Variants in GPRC5C observed in about 807,000 individuals in gnomAD.
GPRC5C encodes the protein G protein-coupled receptor family C group 5 member C.
A neutral mutation model predicts 31.4 loss-of-function variants in GPRC5C; 22 were observed. That is an observed-to-expected ratio of 0.70 (90% CI 0.50 to 1.00). The LOEUF (loss-of-function observed/expected upper bound fraction) is 1.00. GPRC5C is among the 50% of genes least tolerant of loss of function. GPRC5C has a pLI of 0.00. For synonymous variants in GPRC5C, 249 were observed against 257.5 expected (o/e 0.97, Z 0.32); for missense variants, 557 against 597.2 (o/e 0.93, Z 0.70).
chr17:74,440,926 G>A lies in GPRC5C; in HGVS notation c.1051+99G>A. The A allele has an allele frequency of 8.9e-7, 1 of 1,127,444 alleles. No homozygotes were observed. Among genetic ancestry groups the A allele is most frequent in the Non-Finnish European group, 1.2e-6 (1 of 852,734 alleles). The allele number at this position is 1,127,444 out of a possible 1,614,324, so 69.8% of individuals were successfully genotyped here. A position where few individuals can be genotyped will look rare whatever the true frequency, so the allele number is the denominator to read the frequency against. The stretch of plus-strand genomic sequence containing the variant: ...CTCTTGAGCAAAATGGAAAGTTTTT[G>A]AGGTTTTCTGTAGTTTTCTGCCTAA... On this transcript the variant is annotated intron_variant, in intron 2 of 3. Transcript: ENST00000392627. This position sits in a 1 kb window ranked among gnomAD's most constrained non-coding sequence, Gnocchi z 4.4.
chr17:74,446,772 G>A, intron 3 of GPRC5C, 77 bp from the exon 4 acceptor site: 1 of 1,137,516 alleles, frequency 8.8e-7, no homozygotes, highest in Non-Finnish European at 1.3e-6. Context: ...CAGCCCTGCA[G>A]GAAGTGTTTG....
chr17:74,432,407 GGACCGGGCCTGGCCCAGC>G (rs1407142770), intron 1 of GPRC5C: 1 of 1,237,210 alleles, frequency 8.1e-7, no homozygotes, highest in Admixed American at 4.4e-5. Context: ...ATCCCAGCCA[GGACCGGGCCTGGCCCAGC>G]GCCCCGCGCC....
At chr17:74,438,406 G>A (rs927281002) in intron 1 of GPRC5C, among the ~76,000 whole-genome samples, 20 of 151,342 alleles carry the variant, frequency 1.3e-4, no homozygotes, top group African/African-American at 4.4e-4. Flanking sequence ...TATTATAGGC[G>A]TGCACCTCCA....
At chr17:74,450,844 C>T (rs1039718872), downstream of GPRC5C, 1 of 152,282 alleles carries the variant, frequency 6.6e-6, no homozygotes, top group Admixed American at 6.5e-5. Context: ...GGCCCTAAAG[C>T]TCAGTCCCCA....
At chr17:74,438,555 C>A (rs1461895721) in intron 1 of GPRC5C, among the ~76,000 whole-genome samples, 1 of 151,860 alleles carries the variant, frequency 6.6e-6, no homozygotes, top group East Asian at 1.9e-4. Flanking sequence ...GCCACTGCAC[C>A]CAGCTGCTAA....
intron 3 of GPRC5C, chr17:74,445,993 C>CCTCA (rs57897113): frequency 2.2e-5 from 2 of 92,540 alleles, no homozygotes; most frequent in African/African-American, 1.4e-4. Context: ...ACCCCCCCCC[C>CCTCA]CCGCCCACCA....
At chr17:74,433,856 G>GTGGA in intron 1 of GPRC5C, 1 of 885,392 alleles carries the variant, frequency 1.1e-6, no homozygotes, top group Non-Finnish European at 1.9e-6. Context: ...AGGCTTGTGT[G>GTGGA]TGGATGATGC....
chr17:74,440,904 T>G lies in GPRC5C; in HGVS notation c.1051+77T>G. The G allele has an allele frequency of 1.6e-6, 2 of 1,277,618 alleles. No individual in the cohort carries two copies. Among genetic ancestry groups the G allele is most frequent in the Non-Finnish European group, 2.1e-6 (2 of 974,460 alleles). 79.1% of individuals were successfully genotyped at this position (1,277,618 alleles called of 1,614,324 possible). A position where few individuals can be genotyped will look rare whatever the true frequency, so the allele number is the denominator to read the frequency against. ...TACTGCAGGACAGGGAGCCAGTCTC[T>G]TGAGCAAAATGGAAAGTTTTTGAGG... On this transcript the variant is annotated intron_variant, in intron 2 of 3. Coordinates refer to ENST00000392627, the MANE Select transcript of GPRC5C (RefSeq NM_022036.4). This position sits in a 1 kb window ranked among gnomAD's most constrained non-coding sequence, Gnocchi z 4.4.
chr17:74,438,322 G>A (rs535087062), intron 1 of GPRC5C, among the ~76,000 whole-genome samples: 67 of 148,206 alleles, frequency 4.5e-4, no homozygotes, highest in African/African-American at 1.4e-3. Context: ...GTGCAGTGGC[G>A]CAGTCTTGGC....
downstream of GPRC5C, among the ~76,000 whole-genome samples, chr17:74,448,184 C>G (rs1350267467): frequency 6.6e-6 from 1 of 151,954 alleles, no homozygotes; most frequent in Admixed American, 6.6e-5. Context: ...GACATTAGTC[C>G]TAGCTACTCA....
downstream of GPRC5C, chr17:74,449,395 TC>T (rs1319908056): frequency 8.0e-7 from 1 of 1,257,596 alleles, no homozygotes; most frequent in East Asian, 5.6e-5. Flanking sequence ...CTGCACGGCA[TC>T]CTGATCCTCA....
chr17:74,435,036 G>A (rs1242828926), intron 1 of GPRC5C, among the ~76,000 whole-genome samples: 2 of 151,394 alleles, frequency 1.3e-5, no homozygotes, highest in South Asian at 2.1e-4. Flanking sequence ...TAGCTAACAC[G>A]GTGAAACCCC....
At chr17:74,443,191 C>T (rs745708727) in intron 2 of GPRC5C, 6 of 194,442 alleles carry the variant, frequency 3.1e-5, no homozygotes, top group Non-Finnish European at 4.2e-5. Flanking sequence ...CGGAACACAC[C>T]GGGAAACCAA....
At chr17:74,432,408 G>A (rs1456348535) in intron 1 of GPRC5C, 1 of 1,230,750 alleles carries the variant, frequency 8.1e-7, no homozygotes, top group African/African-American at 1.6e-5. Context: ...TCCCAGCCAG[G>A]ACCGGGCCTG....
At chr17:74,436,053 G>A (rs556970738) in intron 1 of GPRC5C, among the ~76,000 whole-genome samples, 23 of 152,232 alleles carry the variant, frequency 1.5e-4, no homozygotes, top group African/African-American at 4.3e-4. Flanking sequence ...TCCTAAAAGC[G>A]CAACCCTGGC....
intron 1 of GPRC5C, among the ~76,000 whole-genome samples, chr17:74,437,629 A>ATTTTTTTTTTTTTTTTTTTTTTTTT (rs57390968): frequency 2.3e-4 from 30 of 129,850 alleles, no homozygotes; most frequent in African/African-American, 9.2e-4. Context: ...TATGGACAGA[A>ATTTTTTTTTTTTTTTTTTTTTTTTT]TTTTTTTTTT....
At chr17:74,446,387 G>A (rs1337255248) in intron 3 of GPRC5C, 2 of 152,230 alleles carry the variant, frequency 1.3e-5, no homozygotes, top group Admixed American at 6.6e-5. Flanking sequence ...GGGAGGCAGA[G>A]TTTGCAGTTG....
downstream of GPRC5C, chr17:74,449,186 GA>G: frequency 2.6e-6 from 1 of 391,802 alleles, no homozygotes; most frequent in South Asian, 2.1e-5. Flanking sequence ...TTGCTGGGAA[GA>G]AAAAATAAAC....
intron 1 of GPRC5C, among the ~76,000 whole-genome samples, chr17:74,435,685 G>C (rs1224176542): frequency 2.0e-5 from 3 of 152,222 alleles, no homozygotes; most frequent in Admixed American, 6.5e-5. Flanking sequence ...ACTGGAGGTG[G>C]GGGCTTAGGG....
Sources: gnomAD v4.1 joint callset for allele counts (sites outside exome capture counted in the v4.1 genomes callset) on GRCh38, gnomAD v4.1.1 for gene constraint, Gnocchi (gnomAD v3.1) non-coding constraint, MANE v1.5 for transcripts, NCBI Gene and HGNC (gene_info 2026-07-23, HGNC 2026-07-21) for gene names.